Variants in PIK3R3 observed in about 807,000 individuals in gnomAD.
The protein encoded by PIK3R3 is phosphoinositide-3-kinase regulatory subunit 3.
In PIK3R3, 64 loss-of-function variants were observed where a neutral mutation model predicts 62.9. That is an observed-to-expected ratio of 1.02 (90% CI 0.83 to 1.25). The LOEUF (loss-of-function observed/expected upper bound fraction) is 1.25, where lower values mean the gene tolerates loss of function less well. Among genes scored for constraint, PIK3R3 ranks in the 50% most tolerant of loss-of-function variants. The probability of loss-of-function intolerance (pLI) is 0.00; values close to 1 mark genes in which losing one functional copy is unlikely to be tolerated. For synonymous variants in PIK3R3, 165 were observed against 189.0 expected, an observed-to-expected ratio of 0.87 and a Z score of 1.04; for missense variants, 614 against 561.6, an observed-to-expected ratio of 1.09 and a Z score of -0.94.
intron 5 of PIK3R3, 52 bp from the exon 6 acceptor site, chr1:46,062,123 T>C (rs1249412955): frequency 2.0e-6 from 3 of 1,512,704 alleles, no homozygotes; most frequent in South Asian, 2.5e-5. Flanking sequence ...TATTATTTTC[T>C]TCTAACCTTG....
At chr1:46,088,801 G>C (rs1040543258) in intron 1 of PIK3R3, among the ~76,000 whole-genome samples, 1 of 147,990 alleles carries the variant, frequency 6.8e-6, no homozygotes, top group Non-Finnish European at 1.5e-5. Context: ...GAATGAAAAA[G>C]ATCCATATCA....
At chr1:46,152,124 AC>A in the PIK3R3 span, among the ~76,000 whole-genome samples, 2 of 151,918 alleles carry the variant, frequency 1.3e-5, no homozygotes, top group Admixed American at 1.3e-4. Context: ...CTTTTCTCTC[AC>A]CCTCTGATAC....
intron 1 of PIK3R3, among the ~76,000 whole-genome samples, chr1:46,093,447 C>T (rs1347155171): frequency 1.3e-5 from 2 of 152,116 alleles, no homozygotes; most frequent in Non-Finnish European, 2.9e-5. Flanking sequence ...CTAAAAAATT[C>T]TTAATATTTA....
At position 46,131,953 on chromosome 1, in the gene PIK3R3, C is replaced by T. The variant is rs1344403357; in HGVS notation, c.-1G>A. The T allele has an allele frequency of 1.9e-6, 3 of 1,613,886 alleles. No homozygotes were observed. The highest frequency in any genetic ancestry group is 1.7e-4 in the Middle Eastern group (1 of 6,060). On this transcript the variant is annotated 5_prime_UTR_variant, in exon 1 of 10. Coordinates refer to ENST00000262741, the MANE Select transcript of PIK3R3 (RefSeq NM_003629.4). ...CCATACTCCACACCGTATTGTACAT[C>T]GCGCTGTCAGGGGCAGGTCGCCAGG...
At chr1:46,157,718 A>T in the PIK3R3 span, among the ~76,000 whole-genome samples, 1 of 152,196 alleles carries the variant, frequency 6.6e-6, no homozygotes, top group Non-Finnish European at 1.5e-5. Context: ...CCCTGTTCAG[A>T]AAGTTGGTCT....
chr1:46,055,076 G>A (rs1443107919), intron 7 of PIK3R3, among the ~76,000 whole-genome samples: 3 of 140,458 alleles, frequency 2.1e-5, no homozygotes, highest in Admixed American at 1.4e-4. Flanking sequence ...CTAATTTTTT[G>A]TATTTTTAGT....
At chr1:46,120,755 T>C (rs940153160) in intron 1 of PIK3R3, among the ~76,000 whole-genome samples, 1 of 152,134 alleles carries the variant, frequency 6.6e-6, no homozygotes, top group African/African-American at 2.4e-5. Context: ...CTCTCCCCAA[T>C]ACAACCATAT....
At chr1:46,045,644 T>TTTTTAATTTTC (rs370501368) in intron 9 of PIK3R3, among the ~76,000 whole-genome samples, 1 of 82,592 alleles carries the variant, frequency 1.2e-5, no homozygotes, top group Non-Finnish European at 2.3e-5. Flanking sequence ...TTTTTTTTTT[T>TTTTTAATTTTC]CAATTTAAGA....
rs141349023 is a variant in PIK3R3 at position 46,079,206 on chromosome 1, A to C, written c.215+1436T>G. On this transcript the variant is annotated intron_variant, in intron 2 of 9. Transcript: ENST00000262741. Reference sequence around the variant, plus strand: ...GAATACAGCATCAACCTGGAAACTGATTTGACAGAAATGGATAGGGCTTTA... The same window carrying C: ...GAATACAGCATCAACCTGGAAACTGCTTTGACAGAAATGGATAGGGCTTTA... Among the ~76,000 whole-genome samples, 605 of 152,356 alleles carry C rather than the reference A, an allele frequency of 4.0e-3. 1 individual carries two copies. The highest frequency in any genetic ancestry group is 5.6e-3 in the Non-Finnish European group (379 of 68,040).
chr1:46,165,208 T>C, the PIK3R3 span, among the ~76,000 whole-genome samples: 1 of 152,144 alleles, frequency 6.6e-6, no homozygotes, highest in South Asian at 2.1e-4. Context: ...AACTAGGCTA[T>C]GTGTTCTTAT....
At chr1:46,097,952 T>C (rs552187943) in intron 1 of PIK3R3, among the ~76,000 whole-genome samples, 20 of 147,348 alleles carry the variant, frequency 1.4e-4, no homozygotes, top group African/African-American at 4.7e-4. Flanking sequence ...ATAAAAAGCA[T>C]CCAGAGAGAA....
chr1:46,069,130 A>T (rs1649269451), intron 3 of PIK3R3, among the ~76,000 whole-genome samples: 1 of 152,202 alleles, frequency 6.6e-6, no homozygotes, highest in Non-Finnish European at 1.5e-5. Flanking sequence ...TACAAATATG[A>T]CAGAGAGACA....
the PIK3R3 span, among the ~76,000 whole-genome samples, chr1:46,172,270 T>A: frequency 2.0e-5 from 3 of 152,078 alleles, no homozygotes; most frequent in Non-Finnish European, 2.9e-5. Context: ...CTCGGTTTTC[T>A]CATCTATAGA....
intron 7 of PIK3R3, among the ~76,000 whole-genome samples, chr1:46,054,293 C>G (rs1647656893): frequency 6.9e-6 from 1 of 145,650 alleles, no homozygotes; most frequent in African/African-American, 2.5e-5. Flanking sequence ...ACTCGGAAGG[C>G]TGATGTAGGA....
intron 6 of PIK3R3, among the ~76,000 whole-genome samples, chr1:46,057,886 G>T (rs1035129818): frequency 6.6e-6 from 1 of 152,194 alleles, no homozygotes; most frequent in Non-Finnish European, 1.5e-5. Context: ...CAAGCCGGCT[G>T]CAGAAATTTG....
the PIK3R3 span, among the ~76,000 whole-genome samples, chr1:46,170,159 C>T: frequency 6.6e-6 from 1 of 152,002 alleles, no homozygotes; most frequent in Admixed American, 6.5e-5. Context: ...AAAAAGATAG[C>T]CATTCCAATA....
At chr1:46,129,032 C>T (rs1655335093) in intron 1 of PIK3R3, among the ~76,000 whole-genome samples, 1 of 151,154 alleles carries the variant, frequency 6.6e-6, no homozygotes, top group Admixed American at 6.6e-5. Flanking sequence ...GATGGCGCCA[C>T]TGCACTCCAG....
chr1:46,145,756 G>A, the PIK3R3 span, among the ~76,000 whole-genome samples: 2 of 152,100 alleles, frequency 1.3e-5, no homozygotes, highest in Non-Finnish European at 2.9e-5. Flanking sequence ...CATAGCAATC[G>A]CCTTACAAAT....
At chr1:46,132,961 A>G, upstream of PIK3R3, 1 of 1,117,634 alleles carries the variant, frequency 8.9e-7, no homozygotes, top group Non-Finnish European at 1.1e-6. Flanking sequence ...CAGTGCCGGG[A>G]GCACGCGAGC....
Sources: gnomAD v4.1 joint callset for allele counts (sites outside exome capture counted in the v4.1 genomes callset) on GRCh38, gnomAD v4.1.1 for gene constraint, MANE v1.5 for transcripts, NCBI Gene and HGNC (gene_info 2026-07-23, HGNC 2026-07-21) for gene names.